CHL1: variants seen among roughly 807,000 people sequenced by gnomAD.
CHL1 encodes cell adhesion molecule L1 like, also known as neural cell adhesion molecule L1-like protein.
CHL1 carries 96 observed loss-of-function variants against 141.9 expected under a neutral mutation model. That is an observed-to-expected ratio of 0.68 (90% CI 0.57 to 0.80). The LOEUF (loss-of-function observed/expected upper bound fraction) is 0.80. CHL1 is among the 30% of genes least tolerant of loss of function. The pLI, the probability that CHL1 is intolerant of heterozygous loss-of-function variation, is 0.00. For missense variants in CHL1, 1,820 were observed against 1,457.2 expected (o/e 1.25, Z -4.05); for synonymous variants, 613 against 502.2 (o/e 1.22, Z -2.95).
chr3:361,663 A>T (rs1348119598), intron 12 of CHL1, 36 bp from the exon 13 acceptor site: 2 of 1,467,694 alleles, frequency 1.4e-6, no homozygotes, highest in South Asian at 2.3e-5. Flanking sequence ...TTCTTCCACA[A>T]AAGTTTAAAA....
Position 295,836 on chromosome 3 carries a change from G to A in CHL1, c.-94-23847G>A, listed in dbSNP as rs540134410. On this transcript the variant is annotated intron_variant, in intron 2 of 27. Transcript: ENST00000256509. ...AAATGCTGGACAGCCTGTCCAGTGA[G>A]CAGGGTTGCTCCGTTGCCAGGCTTA... Among the ~76,000 whole-genome samples, 5 of 152,328 alleles carry A rather than the reference G, an allele frequency of 3.3e-5. No individual in the cohort carries two copies. In the South Asian group the frequency reaches 1.0e-3, roughly 32 times the overall value.
intron 2 of CHL1, among the ~76,000 whole-genome samples, chr3:264,976 T>C (rs770336397): frequency 5.9e-5 from 9 of 152,196 alleles, no homozygotes; most frequent in Non-Finnish European, 8.8e-5. Flanking sequence ...TTTTTGTAAA[T>C]TTGCGAATAA....
chr3:242,344 C>A (rs187341935), intron 1 of CHL1, among the ~76,000 whole-genome samples: 1 of 149,652 alleles, frequency 6.7e-6, no homozygotes, highest in Non-Finnish European at 1.5e-5. Context: ...CGCCTGTAAT[C>A]CCAGCACTTT....
intron 2 of CHL1, among the ~76,000 whole-genome samples, chr3:287,958 G>A (rs939476784): frequency 8.5e-5 from 13 of 152,132 alleles, no homozygotes; most frequent in African/African-American, 3.1e-4. Context: ...AGTAGAGATG[G>A]GGTTTTACCC....
chr3:284,179 T>C (rs144485960), intron 2 of CHL1, among the ~76,000 whole-genome samples: 202 of 152,324 alleles, frequency 1.3e-3, no homozygotes, highest in African/African-American at 4.2e-3. Flanking sequence ...ATAAGTGTTT[T>C]GTTTACAATA....
At chr3:289,309 A>G (rs1173741025) in intron 2 of CHL1, among the ~76,000 whole-genome samples, 5 of 152,202 alleles carry the variant, frequency 3.3e-5, no homozygotes, top group African/African-American at 7.2e-5. Flanking sequence ...AAACTTACCG[A>G]TAACACATTA....
intron 15 of CHL1, among the ~76,000 whole-genome samples, chr3:367,659 T>A (rs1705073628): frequency 6.6e-6 from 1 of 152,208 alleles, no homozygotes. Flanking sequence ...CTTTTTTTAA[T>A]TTTTGTTTTT....
At chr3:388,374 C>T (rs1181245291) in intron 19 of CHL1, among the ~76,000 whole-genome samples, 1 of 151,208 alleles carries the variant, frequency 6.6e-6, no homozygotes, top group Non-Finnish European at 1.5e-5. Flanking sequence ...ATGGAGAAAC[C>T]CTGTCTCTAC....
chr3:249,035 C>T (rs1693439179), intron 2 of CHL1, among the ~76,000 whole-genome samples: 1 of 152,168 alleles, frequency 6.6e-6, no homozygotes, highest in Admixed American at 6.6e-5. Context: ...GCAATTCTTG[C>T]TGGAGAAAAA....
chr3:251,235 G>T (rs754029635), intron 2 of CHL1, among the ~76,000 whole-genome samples: 3 of 152,062 alleles, frequency 2.0e-5, no homozygotes, highest in Non-Finnish European at 4.4e-5. Flanking sequence ...GATAGATGTG[G>T]AATCCATCTG....
intron 2 of CHL1, among the ~76,000 whole-genome samples, chr3:302,415 C>T (rs930791266): frequency 2.0e-5 from 3 of 152,158 alleles, no homozygotes; most frequent in Admixed American, 6.5e-5. Flanking sequence ...CTGTTGTTTC[C>T]TGACTTTTTA....
chr3:294,755 G>A (rs965420456), intron 2 of CHL1, among the ~76,000 whole-genome samples: 1 of 152,084 alleles, frequency 6.6e-6, no homozygotes, highest in Admixed American at 6.5e-5. Flanking sequence ...TCACATCCCA[G>A]GGTAGAATAC....
intron 5 of CHL1, among the ~76,000 whole-genome samples, chr3:332,584 G>A (rs1303591012): frequency 6.6e-6 from 1 of 152,072 alleles, no homozygotes. Context: ...GAGTAAGTGT[G>A]AAGCATCCCG....
At chr3:361,468 C>T (rs973856804) in intron 12 of CHL1, among the ~76,000 whole-genome samples, 1 of 151,502 alleles carries the variant, frequency 6.6e-6, no homozygotes, top group Non-Finnish European at 1.5e-5. Context: ...TTGCAACCTA[C>T]TCATCTGACA....
intron 25 of CHL1, 40 bp from the exon 26 acceptor site, chr3:398,977 T>C (rs1708899214): frequency 1.3e-6 from 2 of 1,594,754 alleles, no homozygotes; most frequent in Non-Finnish European, 1.7e-6. Flanking sequence ...CAAAAGACTG[T>C]TTCTAGTTTA....
intron 1 of CHL1, among the ~76,000 whole-genome samples, chr3:218,631 A>G (rs952580776): frequency 6.6e-6 from 1 of 152,260 alleles, no homozygotes; most frequent in African/African-American, 2.4e-5. Context: ...TTCTATAAAA[A>G]TTAAAGTTTA....
chr3:265,980 G>A (rs4684347), intron 2 of CHL1, among the ~76,000 whole-genome samples: 8,571 of 152,232 alleles, frequency 0.056, 336 homozygotes, highest in Non-Finnish European at 0.081. Context: ...TGAAGCCAGT[G>A]GTGGTTCTTA....
intron 2 of CHL1, among the ~76,000 whole-genome samples, chr3:304,496 C>A (rs956279406): frequency 6.6e-6 from 1 of 152,152 alleles, no homozygotes; most frequent in African/African-American, 2.4e-5. Context: ...GGAATTTATC[C>A]ATTTCTTCTA....
intron 5 of CHL1, among the ~76,000 whole-genome samples, 171 bp from the exon 6 acceptor site, chr3:340,623 A>C (rs184172454): frequency 1.3e-5 from 2 of 152,304 alleles, no homozygotes; most frequent in African/African-American, 4.8e-5. Context: ...AAAGATGCAC[A>C]CCAGTTTCTT....
Sources: allele counts gnomAD v4.1 joint callset (sites outside exome capture counted in the v4.1 genomes callset), GRCh38; gene constraint gnomAD v4.1.1; transcripts MANE v1.5; gene names NCBI Gene and HGNC (gene_info 2026-07-23, HGNC 2026-07-21).